Variants in DGKB observed in about 807,000 individuals in gnomAD.
DGKB encodes the protein 90 kDa diacylglycerol kinase.
DGKB carries 67 observed loss-of-function variants against 114.3 expected under a neutral mutation model. That is an observed-to-expected ratio of 0.59 (90% confidence interval 0.48 to 0.72). The LOEUF is 0.72. Ranked by LOEUF, DGKB falls within the 30% of genes least tolerant of loss-of-function variation. The pLI is 0.00. For synonymous variants in DGKB, 398 were observed against 323.1 expected (o/e 1.23, Z -2.49); for missense variants, 907 against 975.2 (o/e 0.93, Z 0.93).
At chr7:14,542,382 A>G (rs1793607192) in intron 20 of DGKB, among the ~76,000 whole-genome samples, 1 of 151,950 alleles carries the variant, frequency 6.6e-6, no homozygotes, top group African/African-American at 2.4e-5. Flanking sequence ...TTAAGCCACA[A>G]CAGTCACCTT....
intron 13 of DGKB, among the ~76,000 whole-genome samples, chr7:14,634,597 CA>C: frequency 6.7e-6 from 1 of 149,834 alleles, no homozygotes; most frequent in East Asian, 2.0e-4. Context: ...TAAAGTGTTC[CA>C]AATATACAAT....
At chr7:14,433,819 G>T (rs1470746592) in intron 21 of DGKB, among the ~76,000 whole-genome samples, 1 of 152,140 alleles carries the variant, frequency 6.6e-6, no homozygotes. Flanking sequence ...TATACAATGA[G>T]ATATCTTGGG....
chr7:14,569,645 T>A (rs1369003228), intron 20 of DGKB, among the ~76,000 whole-genome samples: 1 of 152,164 alleles, frequency 6.6e-6, no homozygotes, highest in Non-Finnish European at 1.5e-5. Flanking sequence ...GTTATAATTA[T>A]CCAATTCAAT....
chr7:14,682,956 C>T, intron 10 of DGKB, 115 bp from the exon 11 acceptor site: 1 of 702,804 alleles, frequency 1.4e-6, no homozygotes, highest in Non-Finnish European at 2.5e-6. Flanking sequence ...CCTAATCAAT[C>T]CAATCAGCCA....
intron 23 of DGKB, among the ~76,000 whole-genome samples, chr7:14,324,678 C>A (rs773935533): frequency 6.6e-6 from 1 of 152,108 alleles, no homozygotes; most frequent in African/African-American, 2.4e-5. Context: ...AGACATACTA[C>A]ATTTTAACCC....
intron 20 of DGKB, among the ~76,000 whole-genome samples, chr7:14,537,606 CTT>C (rs1242546050): frequency 2.6e-5 from 4 of 152,134 alleles, no homozygotes; most frequent in Non-Finnish European, 5.9e-5. Flanking sequence ...AAATCAGACA[CTT>C]ATCCCATAGA....
chr7:14,661,563 T>C (rs1487863644), intron 13 of DGKB, among the ~76,000 whole-genome samples: 1 of 151,582 alleles, frequency 6.6e-6, no homozygotes, highest in Non-Finnish European at 1.5e-5. Context: ...CAACAGGTGC[T>C]GGAGAGGATG....
chr7:14,598,028 T>G (rs113056425), intron 17 of DGKB, among the ~76,000 whole-genome samples: 66 of 152,278 alleles, frequency 4.3e-4, no homozygotes, highest in African/African-American at 1.6e-3. Context: ...GAATCTACAT[T>G]CAAATTATTC....
At chr7:14,438,842 C>T (rs1829650244) in intron 21 of DGKB, among the ~76,000 whole-genome samples, 1 of 151,990 alleles carries the variant, frequency 6.6e-6, no homozygotes, top group Admixed American at 6.6e-5. Flanking sequence ...GAAAGGTTAA[C>T]ACTTTCATGT....
rs73064770 is a variant in DGKB at position 14,771,420 on chromosome 7, T to G, written c.71-13689A>C. Among the ~76,000 whole-genome samples, 272 of 152,186 alleles carry G rather than the reference T, an allele frequency of 1.8e-3. 1 individual carries two copies. In the Middle Eastern group the frequency reaches 0.027, roughly 15 times the overall value. On this transcript the variant is annotated intron_variant, in intron 2 of 25. Transcript: ENST00000402815. Reference sequence around the variant, plus strand: ...AAGCAGCCTGACCCTCACTTTAGTCTGGGAACAATATTACCCAATGCTGGT... The same window carrying G: ...AAGCAGCCTGACCCTCACTTTAGTCGGGGAACAATATTACCCAATGCTGGT...
In DGKB at chr7:14,817,968, T is replaced by C. The variant is rs571785316; in HGVS notation, c.70+23226A>G. 2.0e-5 allele frequency among the ~76,000 whole-genome samples: 3 copies of C among 151,940 alleles called. No individual in the cohort carries two copies. In the East Asian group the frequency reaches 5.8e-4, roughly 29 times the overall value. Reference sequence around the variant, plus strand: ...AAAATCAGTAGGCGTTTCATGTATCTGCCAAGCCTAATTCTGACTTTCTCT... The same window carrying C: ...AAAATCAGTAGGCGTTTCATGTATCCGCCAAGCCTAATTCTGACTTTCTCT... On this transcript the variant is annotated intron_variant, in intron 2 of 25. Transcript: ENST00000402815.
At chr7:14,365,938 A>C (rs1162190604) in intron 21 of DGKB, among the ~76,000 whole-genome samples, 1 of 152,084 alleles carries the variant, frequency 6.6e-6, no homozygotes, top group Non-Finnish European at 1.5e-5. Flanking sequence ...ACAGGTGTGA[A>C]CCGTCTGCCC....
intron 14 of DGKB, among the ~76,000 whole-genome samples, chr7:14,625,324 T>G (rs1808382281): frequency 6.6e-6 from 1 of 152,114 alleles, no homozygotes; most frequent in African/African-American, 2.4e-5. Flanking sequence ...CACTATTTAA[T>G]TTTTCTTCTA....
At chr7:14,178,449 A>G (rs1782134735) in intron 23 of DGKB, among the ~76,000 whole-genome samples, 1 of 151,932 alleles carries the variant, frequency 6.6e-6, no homozygotes. Flanking sequence ...TTTAACATCA[A>G]CAAACTTAAT....
intron 4 of DGKB, among the ~76,000 whole-genome samples, chr7:14,741,899 A>T (rs1388804679): frequency 6.6e-6 from 1 of 152,186 alleles, no homozygotes; most frequent in Non-Finnish European, 1.5e-5. Flanking sequence ...AAAAGTGGAT[A>T]TCCAAGCTAT....
intron 21 of DGKB, among the ~76,000 whole-genome samples, chr7:14,430,228 C>T (rs1051465697): frequency 4.6e-5 from 7 of 151,958 alleles, no homozygotes; most frequent in Admixed American, 2.6e-4. Context: ...AAGATATACG[C>T]CTTTAGATGA....
At chr7:14,688,932 T>C (rs959803343) in intron 9 of DGKB, among the ~76,000 whole-genome samples, 5 of 151,948 alleles carry the variant, frequency 3.3e-5, no homozygotes, top group African/African-American at 1.2e-4. Context: ...CAAGATCACA[T>C]AAAATGTTCA....
At chr7:14,169,605 A>G (rs945124517) in intron 25 of DGKB, among the ~76,000 whole-genome samples, 1 of 152,120 alleles carries the variant, frequency 6.6e-6, no homozygotes, top group Non-Finnish European at 1.5e-5. Context: ...TAATGTCATG[A>G]CAAAGATTCT....
intron 23 of DGKB, among the ~76,000 whole-genome samples, chr7:14,221,623 T>C (rs1460806766): frequency 6.6e-6 from 1 of 151,432 alleles, no homozygotes; most frequent in Non-Finnish European, 1.5e-5. Context: ...TATTGGTCTG[T>C]TATATTCTTT....
Sources: gnomAD v4.1 joint callset for allele counts (sites outside exome capture counted in the v4.1 genomes callset) on GRCh38, gnomAD v4.1.1 for gene constraint, MANE v1.5 for transcripts, NCBI Gene and HGNC (gene_info 2026-07-23, HGNC 2026-07-21) for gene names.